NHS: variants seen among roughly 807,000 people sequenced by gnomAD.
The protein encoded by NHS is NHS actin remodeling regulator.
A neutral mutation model predicts 72.5 loss-of-function variants in NHS; 5 were observed. That is an observed-to-expected ratio of 0.07 (90% CI 0.04 to 0.14). NHS has a LOEUF of 0.14. NHS is among the 10% of genes least tolerant of loss of function. NHS has a pLI of 1.00. For missense variants in NHS, 1,072 were observed against 1,355.7 expected (o/e 0.79, Z 3.29); for synonymous variants, 464 against 547.7 (o/e 0.85, Z 2.13).
At chrX:17,694,720 G>A (rs1022372206) in intron 3 of NHS, among the ~76,000 whole-genome samples, 2 of 111,982 alleles carry the variant, frequency 1.8e-5, no homozygotes, top group African/African-American at 3.2e-5. Context: ...AGAATTGAAC[G>A]TGGTAATACA....
intron 1 of NHS, among the ~76,000 whole-genome samples, chrX:17,618,805 G>A (rs1346121134): frequency 8.9e-6 from 1 of 111,896 alleles, no homozygotes; most frequent in Non-Finnish European, 1.9e-5. Flanking sequence ...GAAATGCTTT[G>A]ACTAAAGTAA....
intron 1 of NHS, among the ~76,000 whole-genome samples, chrX:17,616,401 AGTT>A (rs1203012568): frequency 8.9e-6 from 1 of 112,751 alleles, no homozygotes; most frequent in East Asian, 2.8e-4. Context: ...TCTTGAATAT[AGTT>A]GTACCTTAGA....
At chrX:17,422,452 G>T (rs1366375852) in intron 1 of NHS, among the ~76,000 whole-genome samples, 1 of 111,008 alleles carries the variant, frequency 9.0e-6, no homozygotes, top group Admixed American at 9.6e-5. Flanking sequence ...TATATGCTTA[G>T]CATGTGTCTC....
At chrX:17,545,472 C>T (rs1248770130) in intron 1 of NHS, among the ~76,000 whole-genome samples, 1 of 111,482 alleles carries the variant, frequency 9.0e-6, no homozygotes, top group Non-Finnish European at 1.9e-5. Context: ...TGTCTGTGGG[C>T]CAGGTTTGGA....
intron 1 of NHS, among the ~76,000 whole-genome samples, chrX:17,446,205 G>A (rs747759098): frequency 3.6e-5 from 4 of 109,883 alleles, no homozygotes; most frequent in Non-Finnish European, 7.6e-5. Context: ...GAGAAACATC[G>A]CCCATTATCT....
chrX:17,543,084 G>T (rs2065272489), intron 1 of NHS, among the ~76,000 whole-genome samples: 1 of 111,587 alleles, frequency 9.0e-6, no homozygotes, highest in African/African-American at 3.3e-5. Context: ...CATCAGGAGA[G>T]TTGGTCAAAA....
intron 1 of NHS, among the ~76,000 whole-genome samples, chrX:17,453,031 A>G (rs1002055070): frequency 5.4e-5 from 6 of 112,145 alleles, no homozygotes; most frequent in South Asian, 3.7e-4. Context: ...TTGCTTTGAG[A>G]TTATTTAGCT....
chrX:17,393,088 G>A (rs2064453313), intron 1 of NHS, among the ~76,000 whole-genome samples: 1 of 111,762 alleles, frequency 8.9e-6, no homozygotes, highest in African/African-American at 3.3e-5. Context: ...TGGGCATCTG[G>A]ATAATTTCCA....
At chrX:17,472,662 C>T (rs1036027438) in intron 1 of NHS, among the ~76,000 whole-genome samples, 11 of 112,327 alleles carry the variant, frequency 9.8e-5, no homozygotes, top group African/African-American at 3.2e-4. Context: ...GAAATGTTCC[C>T]TGCAAATCCT....
chrX:17,576,518 C>A (rs1035078881), intron 1 of NHS, among the ~76,000 whole-genome samples: 2 of 111,406 alleles, frequency 1.8e-5, no homozygotes, highest in Non-Finnish European at 3.8e-5. Flanking sequence ...ATTAAATAAC[C>A]CTTCTCCCAA....
Position 17,727,253 on chromosome X carries a change from T to G in NHS, c.3147T>G (p.Gly1049=). ...TTTCAGGTCCATTGTCTCCCGGAGGTAGCAAAAGAAAACCTAAAGTCCCAG... is the reference window on the plus strand; with the variant it reads ...TTTCAGGTCCATTGTCTCCCGGAGGGAGCAAAAGAAAACCTAAAGTCCCAG... ...AFFSGPLSPG[G]SKRKPKVPER... The change falls in exon 7 of 9, where the codon GGT becomes GGG. Residue 1049 remains glycine (G), a synonymous_variant. Transcript: ENST00000676302. 1.7e-6 allele frequency: 2 copies of G among 1,211,143 alleles called. No individual in the cohort carries two copies. Among genetic ancestry groups the G allele is most frequent in the Non-Finnish European group, 2.2e-6 (2 of 894,959 alleles).
At chrX:17,553,867 C>A (rs1474028967) in intron 1 of NHS, among the ~76,000 whole-genome samples, 8 of 111,781 alleles carry the variant, frequency 7.2e-5, no homozygotes, top group Non-Finnish European at 1.5e-4. Context: ...GAAGACAGAG[C>A]CTGGCTATGG....
At chrX:17,694,701 C>G (rs1168789907) in intron 3 of NHS, among the ~76,000 whole-genome samples, 1 of 111,973 alleles carries the variant, frequency 8.9e-6, no homozygotes, top group Non-Finnish European at 1.9e-5. Flanking sequence ...ACCTCATAGC[C>G]TTGGCATGAG....
intron 1 of NHS, among the ~76,000 whole-genome samples, chrX:17,541,767 A>AACACGCACACACACAC (rs2065264613): frequency 3.2e-5 from 2 of 62,902 alleles, no homozygotes; most frequent in Non-Finnish European, 5.6e-5. Flanking sequence ...TGAGTTTGCG[A>AACACGCACACACACAC]ACACACACAC....
chrX:17,473,823 C>T (rs958777114), intron 1 of NHS, among the ~76,000 whole-genome samples: 3 of 111,689 alleles, frequency 2.7e-5, no homozygotes, highest in African/African-American at 9.8e-5. Context: ...TTAATTTCAC[C>T]TCCTTTAAAA....
In NHS at chrX:17,714,117, A is replaced by G. The variant is rs773926980; in HGVS notation, c.853-5227A>G. On this transcript the variant is annotated intron_variant, in intron 3 of 8. Transcript: ENST00000676302. ...CAAAATCAGTGGTAGAAGGGCCAGA[A>G]TAGGAGTCTGGAAAAGGAGGAGGAA... is the stretch of plus-strand genomic sequence containing the variant. Among the ~76,000 whole-genome samples the G allele has an allele frequency of 4.5e-5, 5 of 110,447 alleles. No homozygotes were observed. In the East Asian group the frequency reaches 1.4e-3, roughly 31 times the overall value.
chrX:17,460,654 G>T (rs1270349365), intron 1 of NHS, among the ~76,000 whole-genome samples: 2 of 111,816 alleles, frequency 1.8e-5, no homozygotes, highest in Non-Finnish European at 3.8e-5. Flanking sequence ...CTATTAATTT[G>T]TCTTTTCTGG....
chrX:17,635,571 C>T, intron 1 of NHS: 1 of 1,167,139 alleles, frequency 8.6e-7, no homozygotes, highest in Non-Finnish European at 1.1e-6. Flanking sequence ...CCAAGCATGG[C>T]TCTGGCCTGC....
chrX:17,663,096 G>C (rs765972796), intron 1 of NHS, among the ~76,000 whole-genome samples: 1 of 111,502 alleles, frequency 9.0e-6, no homozygotes, highest in South Asian at 3.8e-4. Flanking sequence ...CTAGTATTGT[G>C]CAGGCTCTGC....
Sources: gnomAD v4.1 joint callset for allele counts (sites outside exome capture counted in the v4.1 genomes callset) on GRCh38, gnomAD v4.1.1 for gene constraint, MANE v1.5 for transcripts, NCBI Gene and HGNC (gene_info 2026-07-23, HGNC 2026-07-21) for gene names.